R3HDM2: variants seen among roughly 807,000 people sequenced by gnomAD.
R3HDM2 encodes R3H domain containing 2.
Under a neutral mutation model 124.5 loss-of-function variants are expected in R3HDM2, and 38 were observed. The observed-to-expected ratio is 0.31, with a 90% CI of 0.24 to 0.40. R3HDM2 has a LOEUF of 0.40. Ranked by LOEUF, R3HDM2 falls within the 10% of genes least tolerant of loss-of-function variation. The pLI, the probability that R3HDM2 is intolerant of heterozygous loss-of-function variation, is 1.00. For missense variants in R3HDM2, 869 were observed against 1,236.9 expected (o/e 0.70, Z 4.46); for synonymous variants, 391 against 448.0 (o/e 0.87, Z 1.61).
intron 2 of R3HDM2, among the ~76,000 whole-genome samples, chr12:57,367,296 T>G (rs755538868): frequency 7.9e-5 from 12 of 152,186 alleles, no homozygotes; most frequent in Non-Finnish European, 1.2e-4. Context: ...ACAGGAAAGT[T>G]CAATAGAACT....
intron 1 of R3HDM2, among the ~76,000 whole-genome samples, chr12:57,423,683 G>A (rs2070424038): frequency 1.3e-5 from 2 of 148,956 alleles, no homozygotes; most frequent in Non-Finnish European, 1.5e-5. Flanking sequence ...GTGGTGGCGG[G>A]CACCTGTAAT....
intron 2 of R3HDM2, among the ~76,000 whole-genome samples, chr12:57,326,416 A>G (rs1388228935): frequency 1.3e-5 from 2 of 152,252 alleles, no homozygotes. Context: ...ACGTGCTACT[A>G]CAGGGAACAC....
chr12:57,322,363 G>A (rs2056593934), intron 2 of R3HDM2, among the ~76,000 whole-genome samples: 1 of 152,190 alleles, frequency 6.6e-6, no homozygotes, highest in African/African-American at 2.4e-5. Flanking sequence ...GGGTTAAGTG[G>A]TAGCTTAAAA....
chr12:57,358,726 A>G lies in R3HDM2; in HGVS notation c.-36+37023T>C, dbSNP rs182525548. Among the ~76,000 whole-genome samples, 5 of 152,232 alleles carry G rather than the reference A, an allele frequency of 3.3e-5. No individual in the cohort carries two copies. In the East Asian group the frequency reaches 9.6e-4, roughly 29 times the overall value. ...GTCTATTTTAGTAAACATTCTATGA[A>G]TACCAGTAAAGAATGTGTATCATGC... On this transcript the variant is annotated intron_variant, in intron 2 of 23. Coordinates refer to ENST00000402412, the MANE Select transcript of R3HDM2 (RefSeq NM_001394031.1).
At chr12:57,320,863 C>T (rs181511913) in intron 2 of R3HDM2, among the ~76,000 whole-genome samples, 1 of 152,248 alleles carries the variant, frequency 6.6e-6, no homozygotes, top group Admixed American at 6.5e-5. Flanking sequence ...TTCATTTTCT[C>T]ACTTTTAATC....
At chr12:57,269,159 A>T (rs2043076308) in intron 16 of R3HDM2, 77 bp from the exon 17 acceptor site, 1 of 1,573,380 alleles carries the variant, frequency 6.4e-7, no homozygotes, top group African/African-American at 1.4e-5. Context: ...TTCCTTCTCC[A>T]TTCTATTTTA....
chr12:57,265,771 C>A (rs1849202603), intron 19 of R3HDM2, among the ~76,000 whole-genome samples: 1 of 151,464 alleles, frequency 6.6e-6, no homozygotes, highest in Non-Finnish European at 1.5e-5. Flanking sequence ...GCAGCTGTTA[C>A]TACTGGGTGC....
rs542470589 is a variant in R3HDM2, at chr12:57,417,384, C to CAA, written c.-106+13334_-106+13335dup. Among the ~76,000 whole-genome samples, 233 of 110,218 alleles carry CAA rather than the reference C, an allele frequency of 2.1e-3. 1 individual carries two copies. Among genetic ancestry groups the CAA allele is most frequent in the African/African-American group, 6.5e-3 (183 of 28,046 alleles). The allele number at this position is 110,218 out of a possible 152,430, so 72.3% of individuals were successfully genotyped here. Reference sequence around the variant, plus strand: ...TGGGCTACGGGGCAAAATTCCATTTCAAAAAAAAAAAAAAAAGAGAGAGAC... The same window carrying CAA: ...TGGGCTACGGGGCAAAATTCCATTTCAAAAAAAAAAAAAAAAAAGAGAGAGAC... On this transcript the variant is annotated intron_variant, in intron 1 of 23. Transcript: ENST00000402412.
intron 2 of R3HDM2, among the ~76,000 whole-genome samples, chr12:57,314,111 C>A (rs2054532761): frequency 6.6e-6 from 1 of 151,790 alleles, no homozygotes; most frequent in African/African-American, 2.4e-5. Flanking sequence ...TCACTTGAAC[C>A]AGCAAGGTGG....
At chr12:57,280,295 C>T (rs539425629) in intron 14 of R3HDM2, 63 bp downstream of exon 14, 8 of 1,507,992 alleles carry the variant, frequency 5.3e-6, no homozygotes, top group South Asian at 2.6e-5. Context: ...AGAGACATGA[C>T]GGTACATCTA....
intron 2 of R3HDM2, among the ~76,000 whole-genome samples, chr12:57,358,675 A>G (rs533925513): frequency 6.6e-6 from 1 of 152,120 alleles, no homozygotes; most frequent in South Asian, 2.1e-4. Context: ...AAATTTATTG[A>G]AACTTATTTT....
chr12:57,326,940 A>G (rs968648998), intron 2 of R3HDM2, among the ~76,000 whole-genome samples: 10 of 152,152 alleles, frequency 6.6e-5, no homozygotes, highest in African/African-American at 2.2e-4. Context: ...ATCTGTTTAC[A>G]GCATAATTTA....
At chr12:57,350,252 TAATA>T (rs1170302702) in intron 2 of R3HDM2, among the ~76,000 whole-genome samples, 3 of 152,074 alleles carry the variant, frequency 2.0e-5, no homozygotes, top group East Asian at 1.9e-4. Context: ...TACATTAAAC[TAATA>T]AATAAAATAA....
chr12:57,351,855 C>T (rs369384053), intron 2 of R3HDM2, among the ~76,000 whole-genome samples: 21 of 152,102 alleles, frequency 1.4e-4, no homozygotes, highest in African/African-American at 4.1e-4. Flanking sequence ...GAATGATATA[C>T]GGATGCTCAC....
At chr12:57,412,513 G>T (rs1466614212) in intron 1 of R3HDM2, among the ~76,000 whole-genome samples, 1 of 152,072 alleles carries the variant, frequency 6.6e-6, no homozygotes, top group African/African-American at 2.4e-5. Flanking sequence ...CTGCACTCCA[G>T]CCTGGGCAAC....
intron 2 of R3HDM2, among the ~76,000 whole-genome samples, chr12:57,381,981 A>G (rs1178813997): frequency 2.0e-5 from 3 of 151,268 alleles, no homozygotes; most frequent in Non-Finnish European, 4.4e-5. Context: ...ATGCCTGGCT[A>G]ATTTTTTTTT....
At chr12:57,341,482 G>A in intron 2 of R3HDM2, 2 of 889,836 alleles carry the variant, frequency 2.2e-6, no homozygotes, top group Non-Finnish European at 2.7e-6. Context: ...GAGGTAGAGG[G>A]AATCCCATCT....
intron 2 of R3HDM2, among the ~76,000 whole-genome samples, chr12:57,346,152 C>T (rs1192150211): frequency 2.2e-5 from 3 of 133,606 alleles, no homozygotes; most frequent in South Asian, 2.3e-4. Flanking sequence ...AGCAAAACTC[C>T]GTCTCAAAAA....
At chr12:57,423,432 A>T (rs1031781444) in intron 1 of R3HDM2, among the ~76,000 whole-genome samples, 6 of 150,718 alleles carry the variant, frequency 4.0e-5, no homozygotes, top group Non-Finnish European at 7.4e-5. Context: ...TCAAAAAAAG[A>T]AAGAAAAGAG....
Sources: allele counts gnomAD v4.1 joint callset (sites outside exome capture counted in the v4.1 genomes callset), GRCh38; gene constraint gnomAD v4.1.1; transcripts MANE v1.5; gene names NCBI Gene and HGNC (gene_info 2026-07-23, HGNC 2026-07-21).